The following DNAJC13 variants were observed in gnomAD, a reference collection of about 807,000 sequenced individuals.
The protein encoded by DNAJC13 is DnaJ heat shock protein family (Hsp40) member C13.
DNAJC13 carries 75 observed loss-of-function variants against 290.5 expected under a neutral mutation model. The observed-to-expected ratio is 0.26, with a 90% confidence interval of 0.21 to 0.31. The LOEUF (loss-of-function observed/expected upper bound fraction) is 0.31. Among genes scored for constraint, DNAJC13 ranks in the 10% least tolerant of loss-of-function variants. The probability of loss-of-function intolerance (pLI) is 1.00; values close to 1 mark genes in which losing one functional copy is unlikely to be tolerated. For missense variants in DNAJC13, 2,260 were observed against 2,674.5 expected (o/e 0.85, Z 3.42); for synonymous variants, 862 against 892.0 (o/e 0.97, Z 0.60).
chr3:132,512,900 T>C, intron 44 of DNAJC13, 108 bp from the exon 45 acceptor site: 1 of 906,548 alleles, frequency 1.1e-6, no homozygotes. Context: ...TTAGAACCAG[T>C]TATCAGAGAC....
intron 29 of DNAJC13, among the ~76,000 whole-genome samples, chr3:132,487,787 C>T (rs1934929930): frequency 6.6e-6 from 1 of 152,138 alleles, no homozygotes; most frequent in Middle Eastern, 3.4e-3. Context: ...GCTCAAATTT[C>T]TAGAGGCCAC....
At chr3:132,485,746 T>C (rs1934849326) in intron 29 of DNAJC13, among the ~76,000 whole-genome samples, 2 of 152,360 alleles carry the variant, frequency 1.3e-5, no homozygotes, top group Admixed American at 1.3e-4. Flanking sequence ...TTTTCATTGA[T>C]ACCAATGATT....
Position 132,531,201 on chromosome 3 carries a change from G to A in DNAJC13, c.6625+104G>A, listed in dbSNP as rs1163568999. ...AAATTGTGTTCAGAGTGTTTCTTAG[G>A]CTACCAGCTGACCTTTCTTGGAGGT... On this transcript the variant is annotated intron_variant, in intron 55 of 55. Transcript: ENST00000260818. 3 of 937,546 alleles carry A rather than the reference G, an allele frequency of 3.2e-6. No homozygotes were observed. In the African/African-American group the frequency reaches 4.9e-5, roughly 15 times the overall value. The allele number at this position is 937,546 out of a possible 1,614,324, so 58.1% of individuals were successfully genotyped here.
chr3:132,432,799 C>G (rs1939276298), intron 1 of DNAJC13, among the ~76,000 whole-genome samples: 1 of 152,164 alleles, frequency 6.6e-6, no homozygotes, highest in Non-Finnish European at 1.5e-5. Flanking sequence ...GAGGCTGATT[C>G]CACGAGTGAG....
In DNAJC13 at chr3:132,494,383, G is replaced by A. The variant is rs975966957; in HGVS notation, c.3941+124G>A. ...GCCTATACTTTGATATATACACCTT[G>A]GGAATAACCATATGGAACTATATCT... On this transcript the variant is annotated intron_variant, in intron 34 of 55. Transcript: ENST00000260818. 4.0e-5 allele frequency: 30 copies of A among 743,510 alleles called. No homozygotes were observed. In the Middle Eastern group the frequency reaches 1.6e-3, roughly 40 times the overall value. 46.1% of individuals were successfully genotyped at this position (743,510 alleles called of 1,614,324 possible). A position where few individuals can be genotyped will look rare whatever the true frequency, so the allele number is the denominator to read the frequency against.
intron 55 of DNAJC13, 137 bp from the exon 56 acceptor site, chr3:132,538,039 G>T: frequency 1.6e-6 from 1 of 629,306 alleles, no homozygotes. Context: ...TTAAGGTATA[G>T]ATGTAATTTA....
chr3:132,440,919 C>T (rs555787425), intron 2 of DNAJC13, among the ~76,000 whole-genome samples: 8 of 152,296 alleles, frequency 5.3e-5, no homozygotes, highest in Middle Eastern at 3.4e-3. Context: ...TGTGCTTAAC[C>T]ATTAAGCTGT....
In DNAJC13 at chr3:132,516,368, G is replaced by A. The variant is rs369778123; in HGVS notation, c.5486-54G>A. The A allele has an allele frequency of 1.7e-4, 258 of 1,561,820 alleles. 1 individual carries two copies. The highest frequency in any genetic ancestry group is 2.2e-4 in the African/African-American group (16 of 73,920). On this transcript the variant is annotated intron_variant, in intron 46 of 55. Coordinates refer to ENST00000260818, the MANE Select transcript of DNAJC13 (RefSeq NM_015268.4). ...GTGCCTGGCACAGAGCTGGTGCCAA[G>A]TAAATATAAGCTAACCTGATGATGC...
chr3:132,482,408 G>A (rs1934708914), intron 27 of DNAJC13, 78 bp downstream of exon 27: 5 of 1,141,698 alleles, frequency 4.4e-6, no homozygotes, highest in Non-Finnish European at 6.4e-6. Flanking sequence ...CAGAGGCGTG[G>A]AATGTTTTAA....
intron 21 of DNAJC13, chr3:132,474,154 C>T (rs1934381111): frequency 6.6e-6 from 1 of 152,300 alleles, no homozygotes. Flanking sequence ...GTTGCTGATT[C>T]CATATGCTTT....
intron 2 of DNAJC13, among the ~76,000 whole-genome samples, chr3:132,435,984 G>A (rs1048718890): frequency 6.6e-6 from 1 of 152,068 alleles, no homozygotes; most frequent in Non-Finnish European, 1.5e-5. Context: ...ACAACTGTTT[G>A]TGTGCTCTTA....
In DNAJC13 at chr3:132,525,768, C is replaced by T. The variant is rs1485271915; in HGVS notation, c.6219C>T (p.Ile2073=). ...NAIPKSAIRV[I]HALSENELCV... ...TTCCTAAGAGTGCCATTCGGGTTATCCATGCCTTGTCTGAAAATGAGGTAT... is the reference window on the plus strand; with the variant it reads ...TTCCTAAGAGTGCCATTCGGGTTATTCATGCCTTGTCTGAAAATGAGGTAT... The change falls in exon 52 of 56, where the codon ATC becomes ATT. Residue 2073 remains isoleucine, a synonymous_variant. Transcript: ENST00000260818. 1 of 1,614,000 alleles carries T rather than the reference C, an allele frequency of 6.2e-7. No individual in the cohort carries two copies. The highest frequency in any genetic ancestry group is 2.2e-5 in the East Asian group (1 of 44,876).
At chr3:132,453,027 A>G (rs1172179245) in intron 6 of DNAJC13, among the ~76,000 whole-genome samples, 1 of 152,230 alleles carries the variant, frequency 6.6e-6, no homozygotes, top group Non-Finnish European at 1.5e-5. Context: ...AAGACCCAGC[A>G]TGCTGTTTTG....
chr3:132,525,833 T>C (rs1165784769), intron 52 of DNAJC13, 44 bp downstream of exon 52: 2 of 1,583,674 alleles, frequency 1.3e-6, no homozygotes, highest in Admixed American at 3.5e-5. Flanking sequence ...CCAGAATTTA[T>C]CTATGCTCCC....
intron 48 of DNAJC13, among the ~76,000 whole-genome samples, chr3:132,522,246 C>A (rs1936114341): frequency 6.6e-6 from 1 of 152,108 alleles, no homozygotes; most frequent in Non-Finnish European, 1.5e-5. Context: ...CTCATTTTTC[C>A]CTTTGCCCCA....
chr3:132,462,607 CTT>C, intron 16 of DNAJC13, 84 bp downstream of exon 16: 1 of 941,304 alleles, frequency 1.1e-6, no homozygotes, highest in Non-Finnish European at 1.6e-6. Flanking sequence ...GCCTTTCAGT[CTT>C]TTTGGGAAAT....
chr3:132,462,586 T>C, intron 16 of DNAJC13, 63 bp downstream of exon 16: 1 of 1,154,774 alleles, frequency 8.7e-7, no homozygotes, highest in Non-Finnish European at 1.3e-6. Flanking sequence ...TTAATTGAAG[T>C]TGACAATATT....
intron 1 of DNAJC13, among the ~76,000 whole-genome samples, chr3:132,432,613 T>TA (rs1210065805): frequency 2.0e-5 from 3 of 152,232 alleles, no homozygotes; most frequent in Non-Finnish European, 4.4e-5. Flanking sequence ...AAGTAAGTGA[T>TA]ACAGTATTTT....
intron 2 of DNAJC13, among the ~76,000 whole-genome samples, chr3:132,442,129 TA>T (rs35160310): frequency 0.16 from 23,268 of 143,576 alleles, 1,842 homozygotes; most frequent in South Asian, 0.24. Context: ...TGCCATATGT[TA>T]AAAAAAAAAA....
Sources: gnomAD v4.1 joint callset for allele counts (sites outside exome capture counted in the v4.1 genomes callset) on GRCh38, gnomAD v4.1.1 for gene constraint, MANE v1.5 for transcripts, NCBI Gene and HGNC (gene_info 2026-07-23, HGNC 2026-07-21) for gene names.